NLRP2: variants seen among roughly 807,000 people sequenced by gnomAD.
NLRP2 encodes NLR family pyrin domain containing 2.
In NLRP2, 107 loss-of-function variants were observed where a neutral mutation model predicts 97.2. The observed-to-expected ratio is 1.10, with a 90% CI of 0.94 to 1.29. NLRP2 has a LOEUF of 1.29. Among genes scored for constraint, NLRP2 ranks in the 50% most tolerant of loss-of-function variants. The pLI, the probability that NLRP2 is intolerant of heterozygous loss-of-function variation, is 0.00. For synonymous variants in NLRP2, 663 were observed against 551.5 expected (o/e 1.20, Z -2.83); for missense variants, 1,495 against 1,330.3 (o/e 1.12, Z -1.93).
rs561774583 is a variant in NLRP2 at position 54,982,644 on chromosome 19, G to A, written c.946G>A (p.Val316Ile). The change falls in exon 6 of 13, where the codon GTC becomes ATC. Residue 316 changes from valine (V) to isoleucine (I), a missense_variant. Physicochemically the swap from Val to Ile is conservative, Grantham distance 29. Coordinates refer to ENST00000448584, the MANE Select transcript of NLRP2 (RefSeq NM_017852.5). Reference sequence around the variant, plus strand: ...CTGGGAGAAGAAGAAGCCGGTGCCCGTCCTCCTGGGGAGTTTGCTGAACAG... The same window carrying A: ...CTGGGAGAAGAAGAAGCCGGTGCCCATCCTCCTGGGGAGTTTGCTGAACAG... ...GDWEKKKPVP[V>I]LLGSLLNRVM... is the part of the protein sequence containing the mutation. 1.3e-4 allele frequency: 208 copies of A among 1,614,130 alleles called. No homozygotes were observed. The highest frequency in any genetic ancestry group is 1.7e-4 in the Non-Finnish European group (195 of 1,180,030).
intron 11 of NLRP2, among the ~76,000 whole-genome samples, chr19:54,995,708 C>T (rs1259050376): frequency 6.6e-6 from 1 of 152,048 alleles, no homozygotes; most frequent in East Asian, 1.9e-4. Context: ...CAATCAGATG[C>T]ACTTGAACCT....
chr19:54,986,015 AT>A, intron 7 of NLRP2, 135 bp from the exon 8 acceptor site: 1 of 711,708 alleles, frequency 1.4e-6, no homozygotes, highest in Non-Finnish European at 2.5e-6. Flanking sequence ...GAAAAAAAAA[AT>A]CTGTAAAGAT....
At chr19:54,982,020 T>C in intron 5 of NLRP2, 142 bp from the exon 6 acceptor site, 1 of 995,978 alleles carries the variant, frequency 1.0e-6, no homozygotes, top group East Asian at 2.4e-5. Context: ...TCAGGTGATC[T>C]GCCTGCCTCG....
intron 11 of NLRP2, among the ~76,000 whole-genome samples, chr19:54,994,678 T>G (rs543258963): frequency 6.6e-6 from 1 of 152,040 alleles, no homozygotes; most frequent in African/African-American, 2.4e-5. Context: ...TGGCGTGATC[T>G]TGGCTCACTG....
chr19:54,988,535 G>A (rs553980581), intron 8 of NLRP2, among the ~76,000 whole-genome samples: 1 of 151,984 alleles, frequency 6.6e-6, no homozygotes, highest in Admixed American at 6.6e-5. Flanking sequence ...TCCTGACCTC[G>A]GGCAATCCAC....
intron 12 of NLRP2, among the ~76,000 whole-genome samples, chr19:54,998,604 CT>C (rs1568546959): frequency 6.1e-5 from 1 of 16,434 alleles, no homozygotes; most frequent in East Asian, 1.3e-3. Flanking sequence ...TGGGGTGCAT[CT>C]TTTTTCTTTT....
At chr19:54,985,367 TG>T (rs751872639) in intron 7 of NLRP2, 150 bp downstream of exon 7, 187 of 795,322 alleles carry the variant, frequency 2.4e-4, no homozygotes, top group Admixed American at 7.0e-4. Context: ...ATTTATTTTG[TG>T]GGATAATCGT....
At position 54,983,431 on chromosome 19, in the gene NLRP2, C is replaced by A. The variant is rs141202537; in HGVS notation, c.1733C>A (p.Ser578Ter). The A allele has an allele frequency of 2.5e-6, 4 of 1,614,196 alleles. No individual in the cohort carries two copies. The highest frequency in any genetic ancestry group is 1.7e-5 in the Admixed American group (1 of 59,998). The change falls in exon 6 of 13, where the codon TCA (serine) becomes TAA (stop). Residue 578 changes from serine to a stop codon, truncating the protein, a stop_gained. Coordinates refer to ENST00000448584, the MANE Select transcript of NLRP2 (RefSeq NM_017852.5). LOFTEE classifies it high-confidence loss of function. ...GAGGCCACTTTTGGCTGCCGGATGT[C>A]ACCGGACATCAAACAGGAATTGCTG... ...ELEATFGCRM[S>*]PDIKQELLRC...
At chr19:54,990,730 C>A in intron 10 of NLRP2, 58 bp downstream of exon 10, 1 of 1,576,374 alleles carries the variant, frequency 6.3e-7, no homozygotes, top group African/African-American at 1.3e-5. Flanking sequence ...CCCCCACCTC[C>A]GGGTTTGAGT....
Position 55,000,270 on chromosome 19 carries a change from C to CT in NLRP2, c.3051-451dup, listed in dbSNP as rs1157138794. Among the ~76,000 whole-genome samples, 288 of 36,020 alleles carry CT rather than the reference C, an allele frequency of 8.0e-3. 91 individuals are homozygous for CT. Among genetic ancestry groups the CT allele is most frequent in the Admixed American group, 9.2e-3 (19 of 2,074 alleles). The allele number at this position is 36,020 out of a possible 152,430, so 23.6% of individuals were successfully genotyped here. A position where few individuals can be genotyped will look rare whatever the true frequency, so the allele number is the denominator to read the frequency against. Reference sequence around the variant, plus strand: ...CCAGCTTGGGCAACAGAGAGACTGTCTTTTTTTTTTTTTTTTTTTTTTTTT... The same window carrying CT: ...CCAGCTTGGGCAACAGAGAGACTGTCTTTTTTTTTTTTTTTTTTTTTTTTTT... On this transcript the variant is annotated intron_variant, in intron 12 of 12. Coordinates refer to ENST00000448584, the MANE Select transcript of NLRP2 (RefSeq NM_017852.5).
rs2073156978 is a variant in NLRP2, at chr19:55,000,947, T to A, written c.*49T>A. The A allele has an allele frequency of 3.1e-6, 5 of 1,587,532 alleles. No homozygotes were observed. Among genetic ancestry groups the A allele is most frequent in the Non-Finnish European group, 4.3e-6 (5 of 1,157,134 alleles). ...CATGAAGTCATCGATTTTCCAGGTG[T>A]TGGTGAACTGCCTGTGACTCCTCTC... On this transcript the variant is annotated 3_prime_UTR_variant, in exon 13 of 13. Coordinates refer to ENST00000448584, the MANE Select transcript of NLRP2 (RefSeq NM_017852.5).
chr19:54,967,852 G>T (rs2070565591), intron 1 of NLRP2, among the ~76,000 whole-genome samples: 1 of 151,560 alleles, frequency 6.6e-6, no homozygotes, highest in African/African-American at 2.4e-5. Context: ...CCATTCTCAC[G>T]CTATTCACAG....
intron 1 of NLRP2, among the ~76,000 whole-genome samples, chr19:54,968,626 C>T (rs891377571): frequency 4.0e-5 from 6 of 151,336 alleles, no homozygotes; most frequent in African/African-American, 7.3e-5. Context: ...CATGGCCCCC[C>T]GGCCAGCTTC....
intron 2 of NLRP2, among the ~76,000 whole-genome samples, chr19:54,971,818 A>G (rs2070871689): frequency 6.6e-6 from 1 of 151,918 alleles, no homozygotes; most frequent in Non-Finnish European, 1.5e-5. Flanking sequence ...AATAAAATGC[A>G]CATGAACTAT....
chr19:54,984,590 C>T (rs984063035), intron 6 of NLRP2, among the ~76,000 whole-genome samples: 3 of 145,130 alleles, frequency 2.1e-5, no homozygotes, highest in South Asian at 2.2e-4. Flanking sequence ...TTCAATGATT[C>T]TCCTGCCTCA....
rs755744039 is a variant in NLRP2, at chr19:54,983,322, G to A, written c.1624G>A (p.Val542Ile). ...IGDVQKLLSG[V>I]ERLRNPDLIQ... is the part of the protein sequence containing the mutation. ...GGACGTACAGAAGCTGCTTTCCGGA[G>A]TAGAAAGACTCAGGAACCCCGACCT... Residue 542 changes from valine (V) to isoleucine (I), a missense_variant, in exon 6 of 13, where the codon GTA (valine) becomes ATA (isoleucine). Coordinates refer to ENST00000448584, the MANE Select transcript of NLRP2 (RefSeq NM_017852.5). The A allele has an allele frequency of 3.7e-5, 59 of 1,614,218 alleles. No individual in the cohort carries two copies. Among genetic ancestry groups the A allele is most frequent in the Non-Finnish European group, 4.7e-5 (56 of 1,180,042 alleles).
At chr19:54,974,603 T>C in intron 3 of NLRP2, 59 bp downstream of exon 3, 1 of 1,175,696 alleles carries the variant, frequency 8.5e-7, no homozygotes, top group Non-Finnish European at 1.3e-6. Context: ...CTCGGGCCTT[T>C]GTTTTAAGGA....
chr19:54,967,643 CAAAA>C (rs58847413), intron 1 of NLRP2, among the ~76,000 whole-genome samples: 1 of 144,982 alleles, frequency 6.9e-6, no homozygotes, highest in African/African-American at 2.5e-5. Context: ...TAGAGAGCTC[CAAAA>C]AAAAAAATAT....
chr19:55,000,443 ATT>A (rs952784753), intron 12 of NLRP2, among the ~76,000 whole-genome samples: 5 of 150,642 alleles, frequency 3.3e-5, no homozygotes, highest in Admixed American at 2.6e-4. Flanking sequence ...CGCCCGGCTA[ATT>A]TTTTGTATTT....
Sources: allele counts gnomAD v4.1 joint callset (sites outside exome capture counted in the v4.1 genomes callset), GRCh38; gene constraint gnomAD v4.1.1; transcripts MANE v1.5; gene names NCBI Gene and HGNC (gene_info 2026-07-23, HGNC 2026-07-21).